FUT9: variants seen among roughly 807,000 people sequenced by gnomAD.
The protein encoded by FUT9 is 4-galactosyl-N-acetylglucosaminide 3-alpha-L-fucosyltransferase 9.
A neutral mutation model predicts 29.7 loss-of-function variants in FUT9; 15 were observed. The ratio of observed to expected loss-of-function variants is 0.51; its 90% CI spans 0.34 to 0.78. The LOEUF is 0.78. Among genes scored for constraint, FUT9 ranks in the 30% least tolerant of loss-of-function variants. The pLI is 0.01. For synonymous variants in FUT9, 169 were observed against 153.7 expected (o/e 1.10, Z -0.74); for missense variants, 319 against 425.4 (o/e 0.75, Z 2.20).
chr6:96,131,865 G>A (rs372047805), intron 2 of FUT9, among the ~76,000 whole-genome samples: 16 of 152,184 alleles, frequency 1.1e-4, no homozygotes, highest in African/African-American at 3.6e-4. Context: ...TAGGGAAGGG[G>A]AGGTGATCTA....
chr6:96,078,556 G>A (rs1771182342), intron 1 of FUT9, among the ~76,000 whole-genome samples: 1 of 151,292 alleles, frequency 6.6e-6, no homozygotes, highest in African/African-American at 2.4e-5. Flanking sequence ...GAGTAGCTGG[G>A]ACTACAGGCA....
chr6:96,061,094 T>C (rs1770866199), intron 1 of FUT9, among the ~76,000 whole-genome samples: 1 of 151,606 alleles, frequency 6.6e-6, no homozygotes, highest in Non-Finnish European at 1.5e-5. Context: ...CCATGGGATA[T>C]TATTATGAAG....
At chr6:96,150,262 A>C (rs764460723) in intron 2 of FUT9, among the ~76,000 whole-genome samples, 38 of 152,218 alleles carry the variant, frequency 2.5e-4, no homozygotes, top group Non-Finnish European at 4.8e-4. Context: ...TGGAGCAATT[A>C]GGAATCAGGG....
At chr6:96,090,010 A>T (rs573022967) in intron 1 of FUT9, among the ~76,000 whole-genome samples, 93 of 152,316 alleles carry the variant, frequency 6.1e-4, no homozygotes, top group African/African-American at 2.2e-3. Context: ...TGACAAAAAT[A>T]CAAAGATATG....
intron 1 of FUT9, among the ~76,000 whole-genome samples, chr6:96,039,440 TG>T (rs1467628855): frequency 6.6e-6 from 1 of 152,196 alleles, no homozygotes; most frequent in African/African-American, 2.4e-5. Flanking sequence ...AAGTTTCTAC[TG>T]AGCCTATTAT....
chr6:96,173,294 C>T lies in FUT9; in HGVS notation c.-8-29854C>T, dbSNP rs962255938. Among the ~76,000 whole-genome samples the T allele has an allele frequency of 2.6e-5, 4 of 151,822 alleles. 1 individual carries two copies. Among genetic ancestry groups the T allele is most frequent in the Admixed American group, 2.6e-4 (4 of 15,268 alleles). On this transcript the variant is annotated intron_variant, in intron 2 of 2. Transcript: ENST00000302103. ...TATTTTATTTTCCTCAAAGGACTTGCCTTAACTGATATTGTCTTGTTTACT... is the reference window on the plus strand; with the variant it reads ...TATTTTATTTTCCTCAAAGGACTTGTCTTAACTGATATTGTCTTGTTTACT...
At chr6:96,162,654 T>C (rs1182211258) in intron 2 of FUT9, among the ~76,000 whole-genome samples, 3 of 152,188 alleles carry the variant, frequency 2.0e-5, no homozygotes, top group Admixed American at 6.5e-5. Flanking sequence ...AAACCACACA[T>C]TAATGTTTAA....
chr6:96,105,918 T>G (rs1317797290), intron 1 of FUT9, among the ~76,000 whole-genome samples: 1 of 152,200 alleles, frequency 6.6e-6, no homozygotes, highest in Non-Finnish European at 1.5e-5. Context: ...ATTAGATGAT[T>G]CTTATGCCTA....
chr6:96,106,342 T>C (rs17056121), intron 1 of FUT9, among the ~76,000 whole-genome samples: 40,877 of 151,854 alleles, frequency 0.27, 6,345 homozygotes, highest in Non-Finnish European at 0.34. Flanking sequence ...CTTTATCTTA[T>C]CTTGACGTCA....
At chr6:96,065,296 T>C (rs1048203163) in intron 1 of FUT9, among the ~76,000 whole-genome samples, 6 of 152,190 alleles carry the variant, frequency 3.9e-5, no homozygotes, top group African/African-American at 9.7e-5. Flanking sequence ...TCAGTATGAA[T>C]GTTTTGAAAT....
intron 1 of FUT9, among the ~76,000 whole-genome samples, chr6:96,032,496 T>C (rs1770280773): frequency 6.6e-6 from 1 of 151,620 alleles, no homozygotes; most frequent in South Asian, 2.1e-4. Flanking sequence ...ATTACTCAAA[T>C]ATGCTTGTAT....
chr6:96,051,137 C>T (rs1265036628), intron 1 of FUT9, among the ~76,000 whole-genome samples: 1 of 151,772 alleles, frequency 6.6e-6, no homozygotes, highest in African/African-American at 2.4e-5. Flanking sequence ...CAATTCTCAG[C>T]TCTGAAAAAA....
At chr6:96,086,493 T>A (rs955925673) in intron 1 of FUT9, among the ~76,000 whole-genome samples, 3 of 152,206 alleles carry the variant, frequency 2.0e-5, no homozygotes, top group Admixed American at 6.5e-5. Flanking sequence ...AATTATACTA[T>A]ATGTAATGCT....
At chr6:96,087,459 T>C (rs142312161) in intron 1 of FUT9, among the ~76,000 whole-genome samples, 10,368 of 148,808 alleles carry the variant, frequency 0.07, 446 homozygotes, top group South Asian at 0.13. Flanking sequence ...CTCTGCCTCC[T>C]GGGTTCAAGC....
chr6:96,041,262 G>C (rs1770454793), intron 1 of FUT9, among the ~76,000 whole-genome samples: 1 of 151,842 alleles, frequency 6.6e-6, no homozygotes, highest in Admixed American at 6.6e-5. Context: ...TTTATATATT[G>C]AATTCTTATT....
chr6:96,109,680 C>T (rs566003046), intron 1 of FUT9, among the ~76,000 whole-genome samples: 1 of 152,300 alleles, frequency 6.6e-6, no homozygotes, highest in Non-Finnish European at 1.5e-5. Flanking sequence ...TCTCTCAATT[C>T]AAGGACAGTA....
intron 1 of FUT9, among the ~76,000 whole-genome samples, chr6:96,056,226 C>CA (rs1365524375): frequency 6.6e-6 from 1 of 152,156 alleles, no homozygotes; most frequent in Non-Finnish European, 1.5e-5. Context: ...AAATAATGAT[C>CA]AATATCTGCT....
chr6:96,137,187 G>A (rs1395526188), intron 2 of FUT9, among the ~76,000 whole-genome samples: 1 of 151,818 alleles, frequency 6.6e-6, no homozygotes, highest in African/African-American at 2.4e-5. Flanking sequence ...AAAAGCAAAA[G>A]AATGGGAGCC....
intron 2 of FUT9, among the ~76,000 whole-genome samples, chr6:96,189,886 G>A (rs1405811899): frequency 6.6e-6 from 1 of 152,068 alleles, no homozygotes; most frequent in East Asian, 1.9e-4. Flanking sequence ...TCTTTTAATT[G>A]GAGCATTTAG....
Sources: allele counts gnomAD v4.1 joint callset (sites outside exome capture counted in the v4.1 genomes callset), GRCh38; gene constraint gnomAD v4.1.1; transcripts MANE v1.5; gene names NCBI Gene and HGNC (gene_info 2026-07-23, HGNC 2026-07-21).